The following SCN2A variants were observed in gnomAD, a reference collection of about 807,000 sequenced individuals.
SCN2A encodes the protein sodium channel protein type 2 subunit alpha.
Under a neutral mutation model 188.7 loss-of-function variants are expected in SCN2A, and 20 were observed. The observed-to-expected ratio is 0.11, with a 90% CI of 0.07 to 0.15. The LOEUF (loss-of-function observed/expected upper bound fraction) is 0.15, where lower values mean the gene tolerates loss of function less well. Ranked by LOEUF, SCN2A falls within the 10% of genes least tolerant of loss-of-function variation. SCN2A has a pLI of 1.00. For missense variants in SCN2A, 1,278 were observed against 2,445.0 expected, an observed-to-expected ratio of 0.52 and a Z score of 10.07; for synonymous variants, 804 against 833.1, an observed-to-expected ratio of 0.97 and a Z score of 0.60.
intron 1 of SCN2A, among the ~76,000 whole-genome samples, chr2:165,260,119 A>G (rs1694514618): frequency 6.6e-6 from 1 of 151,568 alleles, no homozygotes; most frequent in Non-Finnish European, 1.5e-5. Flanking sequence ...AATTTTTTGT[A>G]TTTTTAGTAG....
chr2:165,282,050 A>G (rs1695605937), intron 1 of SCN2A, among the ~76,000 whole-genome samples: 2 of 152,108 alleles, frequency 1.3e-5, no homozygotes, highest in African/African-American at 4.8e-5. Context: ...TCCAACAGGG[A>G]GAATGCTGGG....
intron 25 of SCN2A, among the ~76,000 whole-genome samples, chr2:165,381,924 T>G (rs1701624015): frequency 6.6e-6 from 1 of 152,046 alleles, no homozygotes; most frequent in South Asian, 2.1e-4. Flanking sequence ...AACACTTCAG[T>G]GTTTCTCAGA....
chr2:165,243,996 C>G (rs1365219403), intron 1 of SCN2A, among the ~76,000 whole-genome samples: 3 of 152,118 alleles, frequency 2.0e-5, no homozygotes, highest in African/African-American at 7.2e-5. Context: ...TTATAATCCA[C>G]TTCGGGAGGT....
intron 1 of SCN2A, among the ~76,000 whole-genome samples, chr2:165,255,738 G>A (rs1559318458): frequency 6.6e-6 from 1 of 152,060 alleles, no homozygotes; most frequent in Non-Finnish European, 1.5e-5. Context: ...TCAGCTGCTG[G>A]TAGATGAAAA....
intron 1 of SCN2A, among the ~76,000 whole-genome samples, chr2:165,250,433 A>G (rs972184927): frequency 6.6e-6 from 1 of 151,818 alleles, no homozygotes; most frequent in Non-Finnish European, 1.5e-5. Flanking sequence ...AGAAAATTTT[A>G]ACAGAAATGT....
chr2:165,304,446 G>A (rs6432819), intron 3 of SCN2A, among the ~76,000 whole-genome samples: 124,092 of 152,172 alleles, frequency 0.82, 50,760 homozygotes, highest in Non-Finnish European at 0.84. Flanking sequence ...TAATTTATCA[G>A]AAATTGTTTT....
intron 14 of SCN2A, among the ~76,000 whole-genome samples, chr2:165,337,243 G>A (rs1038819913): frequency 3.9e-5 from 6 of 151,960 alleles, no homozygotes; most frequent in Admixed American, 3.9e-4. Flanking sequence ...TGTTAACTTG[G>A]AGCACATTAA....
chr2:165,347,448 G>T (rs953636840), intron 16 of SCN2A, among the ~76,000 whole-genome samples: 2 of 152,040 alleles, frequency 1.3e-5, no homozygotes, highest in Non-Finnish European at 1.5e-5. Context: ...GTCGAGGGGT[G>T]GGGGGCTAGG....
At chr2:165,279,662 G>A (rs1201411489) in intron 1 of SCN2A, among the ~76,000 whole-genome samples, 2 of 152,148 alleles carry the variant, frequency 1.3e-5, no homozygotes, top group Non-Finnish European at 2.9e-5. Context: ...TATTGAATCT[G>A]CATGTTGGCA....
At chr2:165,256,118 G>C (rs2106077380) in intron 1 of SCN2A, among the ~76,000 whole-genome samples, 1 of 146,056 alleles carries the variant, frequency 6.8e-6, no homozygotes, top group Non-Finnish European at 1.5e-5. Flanking sequence ...CAATTCTCCT[G>C]TTTTAGCCTC....
rs1402203523 is a variant in SCN2A at position 165,367,245 on chromosome 2, G to A, written c.3549G>A (p.Gln1183=). The A allele has an allele frequency of 7.4e-6, 12 of 1,614,012 alleles. No individual in the cohort carries two copies. Among genetic ancestry groups the A allele is most frequent in the Non-Finnish European group, 1.0e-5 (12 of 1,180,024 alleles). ...GTGTACGGAAGTTCAAGTGTTGTCA[G>A]ATAAGCATAGAAGAAGGCAAAGGGA... ...EDCVRKFKCC[Q]ISIEEGKGKL... The change falls in exon 19 of 27, where the codon CAG becomes CAA. Residue 1183 remains glutamine (Q), a synonymous_variant. Transcript: ENST00000375437.
At chr2:165,349,461 CAT>C (rs772782182) in intron 16 of SCN2A, among the ~76,000 whole-genome samples, 15 of 152,262 alleles carry the variant, frequency 9.9e-5, no homozygotes, top group Non-Finnish European at 1.5e-4. Flanking sequence ...CAGCCCACCA[CAT>C]GTTATCTATT....
intron 16 of SCN2A, among the ~76,000 whole-genome samples, chr2:165,350,464 C>CTTTCTTTTTTTTTT (rs1699830486): frequency 2.7e-5 from 2 of 73,848 alleles, no homozygotes; most frequent in Non-Finnish European, 5.0e-5. Context: ...TGTTTTCTTT[C>CTTTCTTTTTTTTTT]TTTTTTTTTT....
intron 1 of SCN2A, among the ~76,000 whole-genome samples, chr2:165,265,703 C>T (rs1026847073): frequency 6.6e-6 from 1 of 150,626 alleles, no homozygotes; most frequent in African/African-American, 2.4e-5. Flanking sequence ...CCTGAAACAA[C>T]ACAGTATTCT....
At chr2:165,333,130 C>T (rs7589614) in intron 14 of SCN2A, among the ~76,000 whole-genome samples, 108,107 of 151,788 alleles carry the variant, frequency 0.71, 38,692 homozygotes, top group Admixed American at 0.75. Context: ...ATGCCATATT[C>T]GCCTAAATCA....
In SCN2A at chr2:165,313,590, C is replaced by G. The variant is rs752820725; in HGVS notation, c.1035-30C>G. ...CAATTAGCAGACTTGCCGTTATTGA[C>G]TTCCTTTCTTTCCTCTAACCTAATT... is the stretch of plus-strand genomic sequence containing the variant. On this transcript the variant is annotated intron_variant, in intron 8 of 26. Transcript: ENST00000375437. 24 of 1,612,202 alleles carry G rather than the reference C, an allele frequency of 1.5e-5. No individual in the cohort carries two copies. In the East Asian group the frequency reaches 2.9e-4, roughly 19 times the overall value.
chr2:165,261,845 T>C (rs1694609107), intron 1 of SCN2A, among the ~76,000 whole-genome samples: 1 of 152,196 alleles, frequency 6.6e-6, no homozygotes, highest in African/African-American at 2.4e-5. Context: ...AAGAGTATAA[T>C]TTACTGTGGC....
intron 1 of SCN2A, chr2:165,294,038 A>AAT: frequency 1.3e-6 from 1 of 799,662 alleles, no homozygotes; most frequent in Non-Finnish European, 1.5e-6. Context: ...AAAAAAAAAA[A>AAT]GATTTTTTTT....
intron 11 of SCN2A, among the ~76,000 whole-genome samples, chr2:165,321,917 A>C (rs1273607030): frequency 6.6e-6 from 1 of 152,240 alleles, no homozygotes; most frequent in Non-Finnish European, 1.5e-5. Context: ...GGAAAAGATC[A>C]AACCAATAAT....
Sources: gnomAD v4.1 joint callset for allele counts (sites outside exome capture counted in the v4.1 genomes callset) on GRCh38, gnomAD v4.1.1 for gene constraint, MANE v1.5 for transcripts, NCBI Gene and HGNC (gene_info 2026-07-23, HGNC 2026-07-21) for gene names.